The following RASGEF1C variants were observed in gnomAD, a reference collection of about 807,000 sequenced individuals.
RASGEF1C encodes ras-GEF domain-containing family member 1C.
In RASGEF1C, 27 loss-of-function variants were observed where a neutral mutation model predicts 58.1. The ratio of observed to expected loss-of-function variants is 0.46; its 90% CI spans 0.34 to 0.64. The LOEUF is 0.64. Among genes scored for constraint, RASGEF1C ranks in the 30% least tolerant of loss-of-function variants. The probability of loss-of-function intolerance (pLI) is 0.01; values close to 1 mark genes in which losing one functional copy is unlikely to be tolerated. For synonymous variants in RASGEF1C, 243 were observed against 246.3 expected, an observed-to-expected ratio of 0.99 and a Z score of 0.13; for missense variants, 502 against 605.1, an observed-to-expected ratio of 0.83 and a Z score of 1.79.
At chr5:180,208,495 G>A (rs1169698477) in intron 1 of RASGEF1C, among the ~76,000 whole-genome samples, 1 of 152,154 alleles carries the variant, frequency 6.6e-6, no homozygotes, top group Non-Finnish European at 1.5e-5. Flanking sequence ...ACACACCCAG[G>A]ACTCCCAGCA....
intron 1 of RASGEF1C, among the ~76,000 whole-genome samples, chr5:180,173,637 G>A (rs560898516): frequency 5.9e-5 from 9 of 152,310 alleles, no homozygotes; most frequent in African/African-American, 9.6e-5. Context: ...GCAGTTGGCC[G>A]GGCACGGTGG....
At chr5:180,146,665 C>G (rs1030645850) in intron 1 of RASGEF1C, among the ~76,000 whole-genome samples, 1 of 152,094 alleles carries the variant, frequency 6.6e-6, no homozygotes, top group African/African-American at 2.4e-5. Flanking sequence ...CAGGAATAAA[C>G]CTCCCTTGGT....
At chr5:180,109,252 T>G (rs564756688) in intron 12 of RASGEF1C, among the ~76,000 whole-genome samples, 3 of 151,804 alleles carry the variant, frequency 2.0e-5, no homozygotes, top group East Asian at 3.9e-4. Flanking sequence ...GTCAGGAGAT[T>G]GAGACCATCC....
chr5:180,148,561 CTAATT>C (rs1766694256), intron 1 of RASGEF1C, among the ~76,000 whole-genome samples: 1 of 152,148 alleles, frequency 6.6e-6, no homozygotes, highest in Non-Finnish European at 1.5e-5. Context: ...TTACAACACT[CTAATT>C]TGAATTTAGA....
At chr5:180,150,217 T>C (rs769206051) in intron 1 of RASGEF1C, among the ~76,000 whole-genome samples, 2 of 152,202 alleles carry the variant, frequency 1.3e-5, no homozygotes, top group Non-Finnish European at 2.9e-5. Context: ...CTCCAAAATT[T>C]ATTTTTGGTT....
At chr5:180,176,518 C>A (rs1184745883) in intron 1 of RASGEF1C, among the ~76,000 whole-genome samples, 1 of 151,778 alleles carries the variant, frequency 6.6e-6, no homozygotes, top group Non-Finnish European at 1.5e-5. Context: ...AGCTGTGCCA[C>A]TCAGGTAACA....
At chr5:180,144,563 C>T (rs1766636004) in intron 1 of RASGEF1C, among the ~76,000 whole-genome samples, 2 of 152,044 alleles carry the variant, frequency 1.3e-5, no homozygotes. Context: ...TGCTTGAGCC[C>T]AGGAATTCAA....
In RASGEF1C at chr5:180,138,038, C is replaced by T. The variant is rs1582276355; in HGVS notation, c.15G>A (p.Leu5=). 2.0e-6 allele frequency: 3 copies of T among 1,515,620 alleles called. No homozygotes were observed. The highest frequency in any genetic ancestry group is 2.4e-5 in the Admixed American group (1 of 42,236). 93.9% of individuals were successfully genotyped at this position (1,515,620 alleles called of 1,614,324 possible). ...CTGGGGTGACCATGTCGGAGGCACT[C>T]AGCGTCTGTGGCATGTCTGCCTGCA... MPQT[L]SASDMVTPGS... Residue 5 remains leucine (L), a synonymous_variant, in exon 2 of 14, where the codon CTG becomes CTA. Coordinates refer to ENST00000361132, the MANE Select transcript of RASGEF1C (RefSeq NM_175062.4).
intron 1 of RASGEF1C, among the ~76,000 whole-genome samples, chr5:180,159,111 C>T (rs1766896421): frequency 6.7e-6 from 1 of 150,316 alleles, no homozygotes; most frequent in Non-Finnish European, 1.5e-5. Context: ...TCTCTGAGAA[C>T]ATTAGTAACA....
At chr5:180,160,722 A>G (rs1766926749) in intron 1 of RASGEF1C, among the ~76,000 whole-genome samples, 1 of 152,164 alleles carries the variant, frequency 6.6e-6, no homozygotes, top group Non-Finnish European at 1.5e-5. Context: ...CAGCAAGCAG[A>G]AGAGTATTTC....
At chr5:180,204,452 A>G (rs1756455298) in intron 1 of RASGEF1C, among the ~76,000 whole-genome samples, 1 of 152,220 alleles carries the variant, frequency 6.6e-6, no homozygotes, top group South Asian at 2.1e-4. Flanking sequence ...TGTTTACCTC[A>G]GCCTAGTCCC....
In RASGEF1C at chr5:180,150,102, T is replaced by G. The variant is rs556226546; in HGVS notation, c.-6-12044A>C. Among the ~76,000 whole-genome samples the G allele has an allele frequency of 2.3e-4, 35 of 152,334 alleles. 1 individual carries two copies. In the South Asian group the frequency reaches 5.4e-3, roughly 23 times the overall value. On this transcript the variant is annotated intron_variant, in intron 1 of 13. Transcript: ENST00000361132. ...TTTCCTGTTCCTCAGACTCAATAAT[T>G]TCAATTGCCCTATCTTCAAGTTTGC... is the stretch of plus-strand genomic sequence containing the variant.
At chr5:180,107,798 G>A (rs1471812492) in intron 12 of RASGEF1C, among the ~76,000 whole-genome samples, 4 of 152,058 alleles carry the variant, frequency 2.6e-5, no homozygotes, top group Non-Finnish European at 5.9e-5. Flanking sequence ...TAGTAGAGAC[G>A]AGGTTTCGCC....
chr5:180,136,553 G>C (rs749567253), intron 3 of RASGEF1C, 38 bp from the exon 4 acceptor site: 1 of 1,544,786 alleles, frequency 6.5e-7, no homozygotes, highest in Non-Finnish European at 8.7e-7. Flanking sequence ...CGTGAGGGGC[G>C]CCGGGTGGGC....
chr5:180,173,642 C>G (rs528363371), intron 1 of RASGEF1C, among the ~76,000 whole-genome samples: 2 of 152,140 alleles, frequency 1.3e-5, no homozygotes, highest in Non-Finnish European at 2.9e-5. Context: ...TGGCCGGGCA[C>G]GGTGGCTCCC....
intron 12 of RASGEF1C, among the ~76,000 whole-genome samples, chr5:180,103,564 C>G (rs1178196746): frequency 6.6e-6 from 1 of 152,168 alleles, no homozygotes; most frequent in Non-Finnish European, 1.5e-5. Flanking sequence ...TTGCTGAACT[C>G]CCTTATTAGT....
rs1023766062 is a variant in RASGEF1C, at chr5:180,174,533, TGTGTGTGC to T, written c.-7+34487_-7+34494del. ...GCGTGCGCGTACACACGTGTGTCTC[TGTGTGTGC>T]GTGTGTGCGTGTGTCTGTGTGTGCA... On this transcript the variant is annotated intron_variant, in intron 1 of 13. Transcript: ENST00000361132. 1.2e-3 allele frequency among the ~76,000 whole-genome samples: 165 copies of T among 132,954 alleles called. 1 individual carries two copies. Among genetic ancestry groups the T allele is most frequent in the African/African-American group, 4.5e-3 (152 of 34,082 alleles). The allele number at this position is 132,954 out of a possible 152,430, so 87.2% of individuals were successfully genotyped here. A position where few individuals can be genotyped will look rare whatever the true frequency, so the allele number is the denominator to read the frequency against.
At chr5:180,200,876 G>A (rs953912927) in intron 1 of RASGEF1C, among the ~76,000 whole-genome samples, 5 of 152,144 alleles carry the variant, frequency 3.3e-5, no homozygotes, top group Non-Finnish European at 5.9e-5. Context: ...GTGGGGTGAG[G>A]GCTCAGGGAG....
intron 6 of RASGEF1C, among the ~76,000 whole-genome samples, chr5:180,122,608 G>T (rs1766193705): frequency 6.6e-6 from 1 of 151,970 alleles, no homozygotes; most frequent in African/African-American, 2.4e-5. Context: ...GGATGTGGTG[G>T]TGGGTGCCTG....
Sources: allele counts gnomAD v4.1 joint callset (sites outside exome capture counted in the v4.1 genomes callset), GRCh38; gene constraint gnomAD v4.1.1; transcripts MANE v1.5; gene names NCBI Gene and HGNC (gene_info 2026-07-23, HGNC 2026-07-21).